CACNA2D2: variants seen among roughly 807,000 people sequenced by gnomAD.
CACNA2D2 encodes the protein calcium voltage-gated channel auxiliary subunit alpha2delta 2, also known as voltage-dependent calcium channel subunit alpha-2/delta-2.
In CACNA2D2, 48 loss-of-function variants were observed where a neutral mutation model predicts 166.4. The observed-to-expected ratio is 0.29, with a 90% CI of 0.23 to 0.37. The LOEUF (loss-of-function observed/expected upper bound fraction) is 0.37. Among genes scored for constraint, CACNA2D2 ranks in the 10% least tolerant of loss-of-function variants. CACNA2D2 has a pLI of 1.00. For synonymous variants in CACNA2D2, 561 were observed against 573.7 expected (o/e 0.98, Z 0.32); for missense variants, 1,122 against 1,433.0 (o/e 0.78, Z 3.50).
In CACNA2D2 at chr3:50,366,169, G is replaced by A; in HGVS notation, c.2710-6C>T. 6.2e-7 allele frequency: 1 copy of A among 1,613,952 alleles called. No individual in the cohort carries two copies. Among genetic ancestry groups the A allele is most frequent in the South Asian group, 1.1e-5 (1 of 91,084 alleles). On this transcript the variant is annotated splice_polypyrimidine_tract_variant and splice_region_variant and intron_variant, in intron 31 of 37. Transcript: ENST00000424201. The surrounding 1 kb of genome is among the most constrained non-coding windows in gnomAD (Gnocchi z 5.9). ...TCACTGAAGAACCTGCCCACCTGAG[G>A]ATGTCAGGAGAAAGCCATGGTCACA...
intron 2 of CACNA2D2, among the ~76,000 whole-genome samples, chr3:50,462,613 G>A (rs1709642289): frequency 6.6e-6 from 1 of 151,982 alleles, no homozygotes; most frequent in South Asian, 2.1e-4. Flanking sequence ...GATGGGCTGG[G>A]GGAGGGGTGC....
intron 13 of CACNA2D2, 27 bp downstream of exon 13, chr3:50,378,888 C>T (rs1559889536): frequency 6.2e-7 from 1 of 1,613,204 alleles, no homozygotes; most frequent in Admixed American, 1.7e-5. Context: ...CAGGCAGGCC[C>T]CTGACAGTGA....
Position 50,380,290 on chromosome 3 carries a change from A to G in CACNA2D2, c.843-272T>C, listed in dbSNP as rs985707874. Among the ~76,000 whole-genome samples, 10 of 152,226 alleles carry G rather than the reference A, an allele frequency of 6.6e-5. No individual in the cohort carries two copies. Among genetic ancestry groups the G allele is most frequent in the Non-Finnish European group, 2.9e-5 (2 of 68,032 alleles). On this transcript the variant is annotated intron_variant, in intron 8 of 37. Coordinates refer to ENST00000424201, the MANE Select transcript of CACNA2D2 (RefSeq NM_006030.4). This position sits in a 1 kb window ranked among gnomAD's most constrained non-coding sequence, Gnocchi z 4.9. ...GGCAGGAGCCACATTCCCTGGCTTC[A>G]GTGGCTTGTTGTGTCCTCTGCCTCA...
intron 1 of CACNA2D2, among the ~76,000 whole-genome samples, chr3:50,481,889 G>A (rs895132844): frequency 2.6e-5 from 4 of 152,256 alleles, no homozygotes; most frequent in South Asian, 2.1e-4. Context: ...CCAGCTACCC[G>A]GGAGGCTGAG....
chr3:50,469,869 C>T (rs530829550), intron 2 of CACNA2D2, among the ~76,000 whole-genome samples: 143 of 152,324 alleles, frequency 9.4e-4, no homozygotes, highest in African/African-American at 2.8e-3. Flanking sequence ...CTTTTCCTAC[C>T]GCTTCTCTCC....
intron 2 of CACNA2D2, among the ~76,000 whole-genome samples, chr3:50,455,962 T>C (rs1158256086): frequency 6.6e-6 from 1 of 152,110 alleles, no homozygotes; most frequent in Non-Finnish European, 1.5e-5. Context: ...TGTCAACTTC[T>C]ACCCATCCCA....
At chr3:50,451,597 C>A (rs930353041) in intron 2 of CACNA2D2, among the ~76,000 whole-genome samples, 3 of 152,206 alleles carry the variant, frequency 2.0e-5, no homozygotes, top group Non-Finnish European at 2.9e-5. Context: ...TCATCCCTGG[C>A]CCCTTGACCA....
At position 50,384,186 on chromosome 3, in the gene CACNA2D2, GCA is replaced by G. The variant is rs1553731556; in HGVS notation, c.652+8_652+9del. 1 of 1,613,560 alleles carries G rather than the reference GCA, an allele frequency of 6.2e-7. No homozygotes were observed. The highest frequency in any genetic ancestry group is 1.3e-5 in the African/African-American group (1 of 75,060). On this transcript the variant is annotated splice_region_variant and intron_variant, in intron 6 of 37. Transcript: ENST00000424201. ...TGGGATGGGCTGTCCCGATTGCTCT[GCA>G]CACTCACAGCCTTTGTAGATGTCCG...
At chr3:50,468,694 C>A (rs1159981711) in intron 2 of CACNA2D2, among the ~76,000 whole-genome samples, 1 of 152,038 alleles carries the variant, frequency 6.6e-6, no homozygotes, top group African/African-American at 2.4e-5. Flanking sequence ...CAAGAACCCC[C>A]GATCCTCAGC....
chr3:50,408,222 CCT>C (rs1706815636), intron 3 of CACNA2D2, among the ~76,000 whole-genome samples: 1 of 152,214 alleles, frequency 6.6e-6, no homozygotes, highest in African/African-American at 2.4e-5. Context: ...CTGACAACTC[CCT>C]GTGTCCCTGG....
At chr3:50,475,978 A>T in intron 2 of CACNA2D2, 140 bp downstream of exon 2, 1 of 694,842 alleles carries the variant, frequency 1.4e-6, no homozygotes, top group Non-Finnish European at 2.5e-6. Flanking sequence ...GTCATGTCCC[A>T]CCTGCCCCCA....
chr3:50,373,151 A>C, intron 22 of CACNA2D2: 4 of 1,394,246 alleles, frequency 2.9e-6, no homozygotes, highest in South Asian at 1.2e-5. Context: ...AAACAAACGA[A>C]AAGGGGGAGG....
intron 1 of CACNA2D2, among the ~76,000 whole-genome samples, chr3:50,491,783 C>G (rs950863586): frequency 7.9e-5 from 12 of 152,220 alleles, no homozygotes; most frequent in Admixed American, 6.5e-5. Flanking sequence ...CTTGGACAGC[C>G]CCAGAGATCC....
rs79937307 is a variant in CACNA2D2, at chr3:50,377,366, G to A, written c.1626+101C>T. 1,088 of 944,942 alleles carry A rather than the reference G, an allele frequency of 1.2e-3. 14 individuals are homozygous for A. The East Asian group carries it at 0.017, about 15-fold the overall frequency. The allele number at this position is 944,942 out of a possible 1,614,324, so 58.5% of individuals were successfully genotyped here. ...GCCTTCCCCGACCCCTGAACTCAGAGGTCTCCATGGAGGCGCTGTAATACC... is the reference window on the plus strand; with the variant it reads ...GCCTTCCCCGACCCCTGAACTCAGAAGTCTCCATGGAGGCGCTGTAATACC... On this transcript the variant is annotated intron_variant, in intron 17 of 37. Transcript: ENST00000424201.
chr3:50,498,416 C>G (rs900195140), intron 1 of CACNA2D2, among the ~76,000 whole-genome samples: 16 of 152,196 alleles, frequency 1.1e-4, no homozygotes, highest in Non-Finnish European at 2.4e-4. Context: ...CCAGCCCCAC[C>G]CCCACCTCCA....
chr3:50,385,695 C>T (rs765022057), intron 5 of CACNA2D2, among the ~76,000 whole-genome samples: 8 of 152,228 alleles, frequency 5.3e-5, no homozygotes, highest in African/African-American at 1.2e-4. Flanking sequence ...CTGCCCACCC[C>T]TGGCACACCC....
chr3:50,438,560 C>T (rs929841991), intron 2 of CACNA2D2, among the ~76,000 whole-genome samples: 4 of 152,324 alleles, frequency 2.6e-5, no homozygotes, highest in Non-Finnish European at 5.9e-5. Flanking sequence ...GACAGGAAGC[C>T]TGCATGCTGG....
intron 3 of CACNA2D2, among the ~76,000 whole-genome samples, chr3:50,434,004 C>T (rs1442243321): frequency 6.6e-6 from 1 of 152,160 alleles, no homozygotes; most frequent in East Asian, 1.9e-4. Context: ...AACCTGGGGA[C>T]CCAGAGGGAT....
At chr3:50,483,952 G>A (rs941797749) in intron 1 of CACNA2D2, among the ~76,000 whole-genome samples, 1 of 152,172 alleles carries the variant, frequency 6.6e-6, no homozygotes, top group Admixed American at 6.5e-5. Flanking sequence ...AGGTCACAGA[G>A]GTCACAAACA....
Sources: allele counts gnomAD v4.1 joint callset (sites outside exome capture counted in the v4.1 genomes callset), GRCh38; gene constraint gnomAD v4.1.1; non-coding constraint Gnocchi (gnomAD v3.1); transcripts MANE v1.5; gene names NCBI Gene and HGNC (gene_info 2026-07-23, HGNC 2026-07-21).